Variants in ROBO2 observed in about 807,000 individuals in gnomAD.
ROBO2 encodes the protein roundabout homolog 2.
ROBO2 carries 53 observed loss-of-function variants against 160.8 expected under a neutral mutation model. The observed-to-expected ratio is 0.33, with a 90% CI of 0.26 to 0.41. The LOEUF is 0.41. Among genes scored for constraint, ROBO2 ranks in the 10% least tolerant of loss-of-function variants. ROBO2 has a pLI of 1.00. For synonymous variants in ROBO2, 664 were observed against 611.7 expected, an observed-to-expected ratio of 1.09 and a Z score of -1.26; for missense variants, 1,577 against 1,722.4, an observed-to-expected ratio of 0.92 and a Z score of 1.49.
At chr3:76,842,519 G>A (rs1451167240) in intron 2 of ROBO2, among the ~76,000 whole-genome samples, 1 of 152,062 alleles carries the variant, frequency 6.6e-6, no homozygotes, top group African/African-American at 2.4e-5. Context: ...AGAGACTTTA[G>A]GTAAACAACA....
chr3:77,134,059 C>G (rs916276755), intron 2 of ROBO2, among the ~76,000 whole-genome samples: 1 of 151,938 alleles, frequency 6.6e-6, no homozygotes, highest in African/African-American at 2.4e-5. Flanking sequence ...GCCTGTAATC[C>G]CAACTACTCG....
intron 23 of ROBO2, chr3:77,629,168 A>G (rs1384891780): frequency 1.3e-5 from 2 of 152,200 alleles, no homozygotes; most frequent in African/African-American, 4.8e-5. Context: ...GTGTGTGTGG[A>G]AATGCTCGGA....
At chr3:76,697,772 A>C (rs2092958407) in intron 2 of ROBO2, among the ~76,000 whole-genome samples, 1 of 152,176 alleles carries the variant, frequency 6.6e-6, no homozygotes, top group Admixed American at 6.5e-5. Context: ...TCTATGATTC[A>C]GTCTGATATT....
At chr3:76,991,595 A>G (rs1029349189) in intron 2 of ROBO2, among the ~76,000 whole-genome samples, 1 of 152,192 alleles carries the variant, frequency 6.6e-6, no homozygotes, top group Non-Finnish European at 1.5e-5. Context: ...GAGGACTTTC[A>G]TTACGTTTTG....
At chr3:76,606,767 G>T (rs2087695113) in intron 2 of ROBO2, among the ~76,000 whole-genome samples, 1 of 151,992 alleles carries the variant, frequency 6.6e-6, no homozygotes. Flanking sequence ...AGGATTAATG[G>T]TTAATTTCTG....
At chr3:76,862,061 A>G (rs2070838731) in intron 2 of ROBO2, among the ~76,000 whole-genome samples, 1 of 152,146 alleles carries the variant, frequency 6.6e-6, no homozygotes, top group South Asian at 2.1e-4. Flanking sequence ...AAAAGTTCAA[A>G]GGAACGGTGG....
intron 2 of ROBO2, among the ~76,000 whole-genome samples, chr3:76,064,946 A>G (rs990354962): frequency 6.6e-6 from 1 of 152,156 alleles, no homozygotes; most frequent in African/African-American, 2.4e-5. Flanking sequence ...CTTGACTTCT[A>G]TATCTTTATC....
intron 2 of ROBO2, among the ~76,000 whole-genome samples, chr3:76,036,893 C>T (rs2067127764): frequency 6.6e-6 from 1 of 151,982 alleles, no homozygotes; most frequent in African/African-American, 2.4e-5. Flanking sequence ...TAAGATAAAC[C>T]TTTCCATTTA....
At chr3:76,731,799 G>A (rs980218454) in intron 2 of ROBO2, among the ~76,000 whole-genome samples, 2 of 152,178 alleles carry the variant, frequency 1.3e-5, no homozygotes, top group South Asian at 2.1e-4. Flanking sequence ...AAGAAAGGAC[G>A]ATGTCTTAGG....
rs970784622 is a variant in ROBO2, at chr3:76,475,455, T to A, written c.109+537853T>A. 2.0e-4 allele frequency among the ~76,000 whole-genome samples: 31 copies of A among 152,066 alleles called. 1 individual carries two copies. The highest frequency in any genetic ancestry group is 6.6e-4 in the Admixed American group (10 of 15,256). ...GAGCGAGATGGGAAGCCAGAAAATATTTTGACAGAAAAACTTACATTATCT... is the reference window on the plus strand; with the variant it reads ...GAGCGAGATGGGAAGCCAGAAAATAATTTGACAGAAAAACTTACATTATCT... On this transcript the variant is annotated intron_variant, in intron 2 of 26. Transcript: ENST00000487694.
chr3:76,270,795 G>T (rs911123421), intron 2 of ROBO2, among the ~76,000 whole-genome samples: 1 of 152,024 alleles, frequency 6.6e-6, no homozygotes, highest in Non-Finnish European at 1.5e-5. Context: ...ATAGTTTAGA[G>T]AATACTAAAT....
chr3:77,562,217 T>G (rs1159883275), intron 9 of ROBO2, among the ~76,000 whole-genome samples: 1 of 152,204 alleles, frequency 6.6e-6, no homozygotes. Flanking sequence ...TTTTATTCAT[T>G]GAAACATAGT....
At chr3:76,222,428 G>C (rs1031693765) in intron 2 of ROBO2, among the ~76,000 whole-genome samples, 5 of 152,174 alleles carry the variant, frequency 3.3e-5, no homozygotes, top group Non-Finnish European at 7.3e-5. Context: ...CTTGTGACTA[G>C]GCTTATACGT....
intron 2 of ROBO2, among the ~76,000 whole-genome samples, chr3:76,776,563 T>G (rs751525380): frequency 2.7e-5 from 4 of 150,880 alleles, no homozygotes; most frequent in Admixed American, 6.6e-5. Flanking sequence ...GATGCAGATA[T>G]GCCATTGCAC....
chr3:77,603,666 G>T (rs1211673106), intron 20 of ROBO2: 1 of 152,294 alleles, frequency 6.6e-6, no homozygotes, highest in Non-Finnish European at 1.5e-5. Flanking sequence ...AATCTATAAT[G>T]TCAGTATCAT....
chr3:76,622,411 G>A (rs1388632110), intron 2 of ROBO2, among the ~76,000 whole-genome samples: 5 of 152,092 alleles, frequency 3.3e-5, no homozygotes, highest in Non-Finnish European at 1.5e-5. Flanking sequence ...GATAGCATGA[G>A]CCATGATCAT....
At chr3:77,015,842 T>C (rs2062205571) in intron 2 of ROBO2, among the ~76,000 whole-genome samples, 1 of 152,192 alleles carries the variant, frequency 6.6e-6, no homozygotes, top group African/African-American at 2.4e-5. Context: ...ACATAATGTG[T>C]TTAAATCACA....
chr3:77,234,059 C>T (rs2087598023), intron 2 of ROBO2, among the ~76,000 whole-genome samples: 1 of 152,130 alleles, frequency 6.6e-6, no homozygotes, highest in Non-Finnish European at 1.5e-5. Flanking sequence ...TACAGCCTAA[C>T]CAGGGAGTGG....
At chr3:77,519,443 T>C (rs2090363244) in intron 5 of ROBO2, among the ~76,000 whole-genome samples, 1 of 151,258 alleles carries the variant, frequency 6.6e-6, no homozygotes, top group African/African-American at 2.4e-5. Context: ...GGGGTACAAA[T>C]TGTGCCATCA....
Sources: allele counts gnomAD v4.1 joint callset (sites outside exome capture counted in the v4.1 genomes callset), GRCh38; gene constraint gnomAD v4.1.1; transcripts MANE v1.5; gene names NCBI Gene and HGNC (gene_info 2026-07-23, HGNC 2026-07-21).